The following ZRANB1 variants were observed in gnomAD, a reference collection of about 807,000 sequenced individuals.
ZRANB1 encodes the protein zinc finger RANBP2-type containing 1, also known as ubiquitin thioesterase ZRANB1.
Under a neutral mutation model 80.5 loss-of-function variants are expected in ZRANB1, and 16 were observed. That is an observed-to-expected ratio of 0.20 (90% confidence interval 0.13 to 0.30). The LOEUF is 0.30. Among genes scored for constraint, ZRANB1 ranks in the 10% least tolerant of loss-of-function variants. The pLI, the probability that ZRANB1 is intolerant of heterozygous loss-of-function variation, is 1.00. For missense variants in ZRANB1, 576 were observed against 862.6 expected, an observed-to-expected ratio of 0.67 and a Z score of 4.16; for synonymous variants, 291 against 293.1, an observed-to-expected ratio of 0.99 and a Z score of 0.07.
At chr10:124,946,559 G>A (rs1951585902) in intron 1 of ZRANB1, 1 of 152,112 alleles carries the variant, frequency 6.6e-6, no homozygotes, top group African/African-American at 2.4e-5. Context: ...AGATTCTTAG[G>A]GGCAAGGGTT....
At chr10:124,940,757 C>T (rs564782988), upstream of ZRANB1, among the ~76,000 whole-genome samples, 4 of 152,016 alleles carry the variant, frequency 2.6e-5, no homozygotes, top group South Asian at 2.1e-4. Context: ...GGGTGGATCA[C>T]GAGGTCAGGA....
the ZRANB1 span, among the ~76,000 whole-genome samples, chr10:124,916,900 C>T: frequency 1.3e-5 from 2 of 151,356 alleles, no homozygotes; most frequent in African/African-American, 4.8e-5. Flanking sequence ...GTTTATTTGG[C>T]TCCGGGTCCC....
chr10:124,952,840 C>T (rs979752606), intron 1 of ZRANB1, among the ~76,000 whole-genome samples: 1 of 152,164 alleles, frequency 6.6e-6, no homozygotes, highest in African/African-American at 2.4e-5. Context: ...GAACTCCTAA[C>T]CTCAGGTGAT....
chr10:124,931,032 C>T, the ZRANB1 span, among the ~76,000 whole-genome samples: 1 of 151,854 alleles, frequency 6.6e-6, no homozygotes, highest in African/African-American at 2.4e-5. Context: ...CTGTTAAAAA[C>T]CAAAAATCAG....
chr10:124,940,482 T>A, upstream of ZRANB1: 1 of 1,287,782 alleles, frequency 7.8e-7, no homozygotes, highest in Non-Finnish European at 1.0e-6. Context: ...TGATCTGATT[T>A]GCAAACCGTA....
the ZRANB1 span, among the ~76,000 whole-genome samples, chr10:124,929,746 G>C: frequency 6.6e-6 from 1 of 151,662 alleles, no homozygotes; most frequent in Non-Finnish European, 1.5e-5. Context: ...AGGAGTTCGA[G>C]ACCAGCCTGG....
At chr10:124,966,203 C>CACAT (rs1951774195) in intron 1 of ZRANB1, among the ~76,000 whole-genome samples, 1 of 152,104 alleles carries the variant, frequency 6.6e-6, no homozygotes, top group South Asian at 2.1e-4. Context: ...CAGCTGGAAG[C>CACAT]ACATCCCTGT....
chr10:124,955,565 G>C (rs1035230766), intron 1 of ZRANB1, among the ~76,000 whole-genome samples: 1 of 152,174 alleles, frequency 6.6e-6, no homozygotes, highest in African/African-American at 2.4e-5. Context: ...TAGCTATGAA[G>C]ACTGTGATCA....
chr10:124,956,339 G>T (rs1162976530), intron 1 of ZRANB1, among the ~76,000 whole-genome samples: 1 of 152,054 alleles, frequency 6.6e-6, no homozygotes, highest in Non-Finnish European at 1.5e-5. Context: ...TAGGCACACG[G>T]TTTAAAAAAA....
chr10:124,941,263 A>G (rs558457730), upstream of ZRANB1, among the ~76,000 whole-genome samples: 2 of 152,302 alleles, frequency 1.3e-5, no homozygotes, highest in African/African-American at 4.8e-5. Context: ...CCATTAAATT[A>G]TGAAGTCTTT....
intron 1 of ZRANB1, among the ~76,000 whole-genome samples, chr10:124,950,100 ATTG>A: frequency 6.6e-6 from 1 of 152,032 alleles, no homozygotes; most frequent in African/African-American, 2.4e-5. Context: ...GATGATTTTT[ATTG>A]TTTTATTTTT....
Position 124,942,318 on chromosome 10 carries a change from A to C in ZRANB1, c.-176A>C. 7.1e-7 allele frequency: 1 copy of C among 1,416,544 alleles called. No homozygotes were observed. Among genetic ancestry groups the C allele is most frequent in the Non-Finnish European group, 9.2e-7 (1 of 1,090,300 alleles). The allele number at this position is 1,416,544 out of a possible 1,614,324, so 87.7% of individuals were successfully genotyped here. ...TCTATGGAAATTAAAAAAGAAAATT[A>C]GGATAATTCAATGTCGAAATGTTGC... On this transcript the variant is annotated 5_prime_UTR_variant, in exon 1 of 9. It removes the in-frame stop codon of an upstream open reading frame in the 5' UTR. Transcript: ENST00000359653.
chr10:124,963,550 G>GTT (rs1564962032), intron 1 of ZRANB1, among the ~76,000 whole-genome samples: 37 of 75,120 alleles, frequency 4.9e-4, no homozygotes, highest in Non-Finnish European at 7.6e-4. Flanking sequence ...TTTTTTTTTT[G>GTT]TTTGTTTTTT....
At position 124,972,161 on chromosome 10, in the gene ZRANB1, A is replaced by G. The variant is rs1564964946; in HGVS notation, c.1156+43A>G. The stretch of plus-strand genomic sequence containing the variant: ...CGTAAAAAGACTTTTTTATTTTATT[A>G]TAGTTACATTTGTGTATGTAGGTGA... On this transcript the variant is annotated intron_variant, in intron 3 of 8. Coordinates refer to ENST00000359653, the MANE Select transcript of ZRANB1 (RefSeq NM_017580.3). 6 of 1,587,200 alleles carry G rather than the reference A, an allele frequency of 3.8e-6. No homozygotes were observed. The African/African-American group carries it at 6.8e-5, about 18-fold the overall frequency.
chr10:124,931,140 ATC>A, the ZRANB1 span, among the ~76,000 whole-genome samples: 1 of 152,026 alleles, frequency 6.6e-6, no homozygotes, highest in South Asian at 2.1e-4. Flanking sequence ...CAGTGGTGTG[ATC>A]ATAGCTCACT....
chr10:124,983,563 G>C lies in ZRANB1; in HGVS notation c.1783G>C (p.Asp595His). 6.2e-7 allele frequency: 1 copy of C among 1,614,160 alleles called. No homozygotes were observed. Among genetic ancestry groups the C allele is most frequent in the Non-Finnish European group, 8.5e-7 (1 of 1,180,008 alleles). The stretch of plus-strand genomic sequence containing the variant: ...CTCTGCTTTGGTTGCCATGGAAAAT[G>C]ATGGCTATGGCAACCGAGGTGCTGG... ...HFSALVAMEN[D>H]GYGNRGAGAN... Residue 595 changes from aspartate (D) to histidine (H), a missense_variant, in exon 8 of 9, where the codon GAT becomes CAT. Coordinates refer to ENST00000359653, the MANE Select transcript of ZRANB1 (RefSeq NM_017580.3). This position sits in a 1 kb window ranked among gnomAD's most constrained non-coding sequence, Gnocchi z 6.2.
chr10:124,924,754 T>C, the ZRANB1 span, among the ~76,000 whole-genome samples: 1 of 152,218 alleles, frequency 6.6e-6, no homozygotes, highest in East Asian at 1.9e-4. Context: ...GCTATTATAC[T>C]GCTGTGAACA....
intron 8 of ZRANB1, among the ~76,000 whole-genome samples, chr10:124,984,037 G>C (rs189609328): frequency 6.6e-6 from 1 of 152,176 alleles, no homozygotes; most frequent in African/African-American, 2.4e-5. Flanking sequence ...CAGGGAAAGA[G>C]AGAGGGTAGG....
At chr10:124,971,665 C>G (rs1040320649) in intron 2 of ZRANB1, among the ~76,000 whole-genome samples, 5 of 152,312 alleles carry the variant, frequency 3.3e-5, no homozygotes, top group Admixed American at 1.3e-4. Flanking sequence ...TCTCCTCTTC[C>G]TGTGATGTGT....
Sources: allele counts gnomAD v4.1 joint callset (sites outside exome capture counted in the v4.1 genomes callset), GRCh38; gene constraint gnomAD v4.1.1; non-coding constraint Gnocchi (gnomAD v3.1); transcripts MANE v1.5; gene names NCBI Gene and HGNC (gene_info 2026-07-23, HGNC 2026-07-21).